The following RABGAP1L variants were observed in gnomAD, a reference collection of about 807,000 sequenced individuals.
RABGAP1L encodes the protein rab GTPase-activating protein 1-like.
RABGAP1L carries 63 observed loss-of-function variants against 137.7 expected under a neutral mutation model. The observed-to-expected ratio is 0.46, with a 90% CI of 0.37 to 0.56. The LOEUF is 0.56. Among genes scored for constraint, RABGAP1L ranks in the 20% least tolerant of loss-of-function variants. The probability of loss-of-function intolerance (pLI) is 0.00; values close to 1 mark genes in which losing one functional copy is unlikely to be tolerated. For synonymous variants in RABGAP1L, 431 were observed against 433.7 expected (o/e 0.99, Z 0.08); for missense variants, 1,095 against 1,244.0 (o/e 0.88, Z 1.80).
At chr1:174,635,483 T>C (rs761264238) in intron 13 of RABGAP1L, among the ~76,000 whole-genome samples, 2 of 152,168 alleles carry the variant, frequency 1.3e-5, no homozygotes, top group Non-Finnish European at 2.9e-5. Flanking sequence ...ATAAAAGAAA[T>C]GTTTCATAAT....
chr1:174,668,838 A>G (rs1397525447), intron 14 of RABGAP1L, among the ~76,000 whole-genome samples: 1 of 151,938 alleles, frequency 6.6e-6, no homozygotes, highest in Non-Finnish European at 1.5e-5. Flanking sequence ...TGTGGTTTTG[A>G]TTTGCATTTC....
intron 18 of RABGAP1L, among the ~76,000 whole-genome samples, chr1:174,803,765 C>A (rs934521638): frequency 6.6e-6 from 1 of 151,900 alleles, no homozygotes; most frequent in Non-Finnish European, 1.5e-5. Flanking sequence ...TTTCCACCCA[C>A]CCTACCTCTT....
At chr1:174,681,030 C>T (rs1678026039) in intron 14 of RABGAP1L, among the ~76,000 whole-genome samples, 1 of 152,086 alleles carries the variant, frequency 6.6e-6, no homozygotes, top group Non-Finnish European at 1.5e-5. Context: ...GTCAAAACTA[C>T]AGGAATTAAT....
rs140917581 is a variant in RABGAP1L, at chr1:174,396,241, C to T, written c.1710+2096C>T. On this transcript the variant is annotated intron_variant, in intron 13 of 25. Coordinates refer to ENST00000681986, the MANE Select transcript of RABGAP1L (RefSeq NM_001366446.1). ...ATGATGGAAATATTCTGGAATTAGA[C>T]GGTGGTGACAGTTGCTCAAGATTAT... is the stretch of plus-strand genomic sequence containing the variant. Among the ~76,000 whole-genome samples, 165 of 152,066 alleles carry T rather than the reference C, an allele frequency of 1.1e-3. 2 individuals are homozygous for T. Among genetic ancestry groups the T allele is most frequent in the Middle Eastern group, 3.4e-3 (1 of 294 alleles).
At chr1:174,819,853 G>A (rs1690837184) in intron 19 of RABGAP1L, among the ~76,000 whole-genome samples, 1 of 152,210 alleles carries the variant, frequency 6.6e-6, no homozygotes, top group Non-Finnish European at 1.5e-5. Flanking sequence ...AGGACTCTGA[G>A]GAGGTAAGGG....
At chr1:174,932,180 C>T (rs1320869996) in intron 19 of RABGAP1L, among the ~76,000 whole-genome samples, 17 of 150,648 alleles carry the variant, frequency 1.1e-4, no homozygotes, top group Non-Finnish European at 7.4e-5. Context: ...TGAAGGAAAC[C>T]GCTCCAGGAA....
intron 13 of RABGAP1L, among the ~76,000 whole-genome samples, chr1:174,627,864 C>G (rs564409843): frequency 6.6e-6 from 1 of 152,080 alleles, no homozygotes; most frequent in Non-Finnish European, 1.5e-5. Context: ...AAAGGATACT[C>G]TCAAGAACTT....
chr1:174,210,705 CA>C (rs752066144), intron 1 of RABGAP1L, among the ~76,000 whole-genome samples: 12 of 151,986 alleles, frequency 7.9e-5, no homozygotes, highest in Non-Finnish European at 1.5e-4. Flanking sequence ...GAGAACTTAC[CA>C]AATCTACAGA....
intron 13 of RABGAP1L, among the ~76,000 whole-genome samples, chr1:174,615,554 G>C (rs1399749774): frequency 6.6e-5 from 10 of 152,222 alleles, no homozygotes; most frequent in Non-Finnish European, 4.4e-5. Flanking sequence ...GAGGCATTCT[G>C]TCCATTCTCA....
At chr1:174,970,751 TA>T (rs565200950) in intron 21 of RABGAP1L, among the ~76,000 whole-genome samples, 1 of 151,890 alleles carries the variant, frequency 6.6e-6, no homozygotes, top group East Asian at 1.9e-4. Context: ...AAGATCTGTT[TA>T]AAAAAAATGT....
chr1:174,354,238 C>CT (rs200144941), intron 11 of RABGAP1L, among the ~76,000 whole-genome samples: 4,358 of 147,614 alleles, frequency 0.03, 206 homozygotes, highest in African/African-American at 0.097. Context: ...CACTTTGCTT[C>CT]TTTTTTTTTT....
chr1:174,734,954 C>CTTTTTT (rs756783714), intron 17 of RABGAP1L, among the ~76,000 whole-genome samples: 2 of 96,108 alleles, frequency 2.1e-5, no homozygotes, highest in Non-Finnish European at 4.1e-5. Context: ...GGATCTCTCT[C>CTTTTTT]TTTTTTTTTT....
intron 17 of RABGAP1L, among the ~76,000 whole-genome samples, chr1:174,712,031 G>T (rs1287125303): frequency 6.6e-6 from 1 of 152,220 alleles, no homozygotes; most frequent in South Asian, 2.1e-4. Flanking sequence ...CTAAAGGATT[G>T]TATATGCACC....
chr1:174,863,082 C>T (rs542911970), intron 19 of RABGAP1L, among the ~76,000 whole-genome samples: 14 of 151,042 alleles, frequency 9.3e-5, no homozygotes, highest in South Asian at 2.1e-4. Flanking sequence ...TTAGTAGAGA[C>T]GGGGTTTCAC....
intron 24 of RABGAP1L, among the ~76,000 whole-genome samples, chr1:174,986,821 C>T (rs1671630740): frequency 6.6e-6 from 1 of 152,218 alleles, no homozygotes; most frequent in Non-Finnish European, 1.5e-5. Flanking sequence ...GTCATCCTCC[C>T]TCTTAAGTGA....
chr1:174,417,220 CAT>C (rs749670663), intron 13 of RABGAP1L, among the ~76,000 whole-genome samples: 4 of 152,160 alleles, frequency 2.6e-5, no homozygotes, highest in Non-Finnish European at 5.9e-5. Flanking sequence ...TTAATGGACA[CAT>C]AATACGTATA....
Position 174,994,577 on chromosome 1 carries a change from A to G in RABGAP1L, c.*4576A>G, listed in dbSNP as rs1672257495. 1 of 152,236 alleles carries G rather than the reference A, an allele frequency of 6.6e-6. No individual in the cohort carries two copies. Among genetic ancestry groups the G allele is most frequent in the South Asian group, 2.1e-4 (1 of 4,836 alleles). 9.4% of individuals were successfully genotyped at this position (152,236 alleles called of 1,614,324 possible). ...TTTCCATTAAACTGTATAACTTTTAATAACTATATATTATATATGGGATAA... is the reference window on the plus strand; with the variant it reads ...TTTCCATTAAACTGTATAACTTTTAGTAACTATATATTATATATGGGATAA... On this transcript the variant is annotated 3_prime_UTR_variant, in exon 26 of 26. Coordinates refer to ENST00000681986, the MANE Select transcript of RABGAP1L (RefSeq NM_001366446.1).
chr1:174,674,540 A>G (rs1244790882), intron 14 of RABGAP1L, among the ~76,000 whole-genome samples: 1 of 151,526 alleles, frequency 6.6e-6, no homozygotes, highest in Non-Finnish European at 1.5e-5. Context: ...TAGTGCCGCA[A>G]TAAACATACG....
chr1:174,417,416 C>T (rs186800869), intron 13 of RABGAP1L, among the ~76,000 whole-genome samples: 158 of 152,234 alleles, frequency 1.0e-3, no homozygotes, highest in African/African-American at 3.4e-3. Context: ...AACAATCTTG[C>T]GAATGTTGGG....
Sources: allele counts gnomAD v4.1 joint callset (sites outside exome capture counted in the v4.1 genomes callset), GRCh38; gene constraint gnomAD v4.1.1; transcripts MANE v1.5; gene names NCBI Gene and HGNC (gene_info 2026-07-23, HGNC 2026-07-21).